The following DOCK7 variants were observed in gnomAD, a reference collection of about 807,000 sequenced individuals.
DOCK7 encodes dedicator of cytokinesis protein 7.
In DOCK7, 138 loss-of-function variants were observed where a neutral mutation model predicts 271.0. That is an observed-to-expected ratio of 0.51 (90% CI 0.44 to 0.59). The LOEUF (loss-of-function observed/expected upper bound fraction) is 0.59. Ranked by LOEUF, DOCK7 falls within the 20% of genes least tolerant of loss-of-function variation. The pLI, the probability that DOCK7 is intolerant of heterozygous loss-of-function variation, is 0.00. For synonymous variants in DOCK7, 823 were observed against 876.1 expected, an observed-to-expected ratio of 0.94 and a Z score of 1.07; for missense variants, 2,066 against 2,592.4, an observed-to-expected ratio of 0.80 and a Z score of 4.41.
intron 2 of DOCK7, among the ~76,000 whole-genome samples, chr1:62,662,190 A>C (rs1658737561): frequency 6.6e-6 from 1 of 152,124 alleles, no homozygotes; most frequent in Non-Finnish European, 1.5e-5. Context: ...TGTAAAAATG[A>C]CCTCTAATTT....
At chr1:62,588,777 G>T (rs546738526) in intron 14 of DOCK7, among the ~76,000 whole-genome samples, 1 of 152,138 alleles carries the variant, frequency 6.6e-6, no homozygotes, top group Non-Finnish European at 1.5e-5. Context: ...GTCTCACTCT[G>T]TCGCTCAGGC....
At chr1:62,495,265 A>G (rs1646587150) in intron 39 of DOCK7, 1 of 169,542 alleles carries the variant, frequency 5.9e-6, no homozygotes, top group South Asian at 2.0e-4. Context: ...CCACCTGGAA[A>G]AAGTGCATTT....
chr1:62,653,202 A>C (rs542889497), intron 4 of DOCK7, among the ~76,000 whole-genome samples: 58 of 152,204 alleles, frequency 3.8e-4, no homozygotes, highest in Non-Finnish European at 7.3e-4. Flanking sequence ...CTGACTTGCT[A>C]TTGCACAGTT....
At chr1:62,542,508 G>T in intron 25 of DOCK7, 100 bp downstream of exon 25, 2 of 1,157,668 alleles carry the variant, frequency 1.7e-6, no homozygotes, top group Non-Finnish European at 2.5e-6. Context: ...AAAGCGTTAA[G>T]ATGTGCAACA....
intron 11 of DOCK7, 43 bp from the exon 12 acceptor site, chr1:62,625,444 A>G (rs1368019523): frequency 6.4e-7 from 1 of 1,557,618 alleles, no homozygotes; most frequent in Non-Finnish European, 8.7e-7. Flanking sequence ...ATAGAAGTTA[A>G]ATTTTGTTTT....
chr1:62,515,054 A>C (rs1461233177), intron 31 of DOCK7, among the ~76,000 whole-genome samples: 1 of 151,942 alleles, frequency 6.6e-6, no homozygotes, highest in Non-Finnish European at 1.5e-5. Context: ...ATAATTAATG[A>C]CCAAATGCTT....
At chr1:62,633,460 G>A (rs748374023) in intron 10 of DOCK7, 38 bp downstream of exon 10, 1 of 1,453,574 alleles carries the variant, frequency 6.9e-7, no homozygotes, top group Non-Finnish European at 9.6e-7. Flanking sequence ...AGTTACAATA[G>A]TAATAATGTG....
In DOCK7 at chr1:62,524,313, T is replaced by C. The variant is rs547275250; in HGVS notation, c.3936+3838A>G. Among the ~76,000 whole-genome samples the C allele has an allele frequency of 3.3e-5, 5 of 152,254 alleles. No homozygotes were observed. In the South Asian group the frequency reaches 1.0e-3, roughly 32 times the overall value. On this transcript the variant is annotated intron_variant, in intron 31 of 49. Transcript: ENST00000635253. The stretch of plus-strand genomic sequence containing the variant: ...CGCCCTCTGGAAAATAGTTGGCCAT[T>C]ACCTGGTATAGATTAAGATACCCAC...
In DOCK7 at chr1:62,455,216, CTTG is replaced by C; in HGVS notation, c.*195_*197del. 1.5e-6 allele frequency: 1 copy of C among 687,426 alleles called. No homozygotes were observed. Among genetic ancestry groups the C allele is most frequent in the Non-Finnish European group, 2.6e-6 (1 of 386,228 alleles). The allele number at this position is 687,426 out of a possible 1,614,324, so 42.6% of individuals were successfully genotyped here. A position where few individuals can be genotyped will look rare whatever the true frequency, so the allele number is the denominator to read the frequency against. On this transcript the variant is annotated 3_prime_UTR_variant, in exon 50 of 50. Transcript: ENST00000635253. ...ATTAAAATGTCTTAAAAGATAACAGCTTGTTACCAGAACATTAGAAACCATAGC... is the reference window on the plus strand; with the variant it reads ...ATTAAAATGTCTTAAAAGATAACAGCTTACCAGAACATTAGAAACCATAGC...
chr1:62,489,208 G>T, intron 41 of DOCK7, 143 bp from the exon 42 acceptor site: 1 of 700,930 alleles, frequency 1.4e-6, no homozygotes, highest in Non-Finnish European at 2.1e-6. Context: ...CCAGCACTTT[G>T]GGAGGCCGAG....
intron 42 of DOCK7, chr1:62,488,656 G>C (rs1213975951): frequency 2.6e-6 from 1 of 380,416 alleles, no homozygotes; most frequent in Non-Finnish European, 4.9e-6. Flanking sequence ...TTGTGAAACA[G>C]AAAATCACAA....
rs146330198 is a variant in DOCK7 at position 62,618,740 on chromosome 1, C to A, written c.1648G>T (p.Ala550Ser). 1.2e-6 allele frequency: 2 copies of A among 1,613,524 alleles called. No homozygotes were observed. The highest frequency in any genetic ancestry group is 2.2e-5 in the East Asian group (1 of 44,834). Residue 550 changes from alanine (A) to serine (S), a missense_variant, in exon 14 of 50, where the codon GCA (alanine) becomes TCA (serine). Transcript: ENST00000635253. ...GTGTTTGGAACATAAACATCCCTTGCGGGAAACTCTAAGATTTCTCTGGTA... is the reference window on the plus strand; with the variant it reads ...GTGTTTGGAACATAAACATCCCTTGAGGGAAACTCTAAGATTTCTCTGGTA... ...RPTREILEFP[A>S]RDVYVPNTTY...
chr1:62,597,751 A>C (rs1356877257), intron 14 of DOCK7: 7 of 1,613,480 alleles, frequency 4.3e-6, no homozygotes, highest in Non-Finnish European at 2.5e-6. Flanking sequence ...GACTTTGTCC[A>C]TAAGACGAAG....
At chr1:62,544,916 C>A in intron 23 of DOCK7, 31 bp downstream of exon 23, 2 of 1,491,406 alleles carry the variant, frequency 1.3e-6, no homozygotes, top group Non-Finnish European at 1.8e-6. Context: ...ACATCAGCAG[C>A]CAATAAAGAA....
chr1:62,506,807 C>T (rs1646950269), intron 35 of DOCK7, among the ~76,000 whole-genome samples: 1 of 149,876 alleles, frequency 6.7e-6, no homozygotes, highest in Non-Finnish European at 1.5e-5. Context: ...ATCAGCTGGG[C>T]GTGGTGGCGC....
chr1:62,512,320 C>T (rs1428105057), intron 33 of DOCK7, among the ~76,000 whole-genome samples: 1 of 152,158 alleles, frequency 6.6e-6, no homozygotes. Flanking sequence ...ACAGTATTGT[C>T]TGTATGTCAC....
intron 31 of DOCK7, 151 bp from the exon 32 acceptor site, chr1:62,514,049 A>T: frequency 1.5e-6 from 1 of 664,390 alleles, no homozygotes. Context: ...ACACTTGTAC[A>T]AAAGGATCAT....
intron 48 of DOCK7, among the ~76,000 whole-genome samples, chr1:62,467,124 T>TTA (rs1202706310): frequency 6.6e-6 from 1 of 152,178 alleles, no homozygotes; most frequent in Non-Finnish European, 1.5e-5. Context: ...TCTGGAAGGA[T>TTA]TATACCATTG....
intron 48 of DOCK7, among the ~76,000 whole-genome samples, chr1:62,462,670 A>G (rs1645564548): frequency 6.6e-6 from 1 of 152,248 alleles, no homozygotes; most frequent in Non-Finnish European, 1.5e-5. Context: ...ATCTCATACC[A>G]TATTCAATAA....
Sources: allele counts gnomAD v4.1 joint callset (sites outside exome capture counted in the v4.1 genomes callset), GRCh38; gene constraint gnomAD v4.1.1; transcripts MANE v1.5; gene names NCBI Gene and HGNC (gene_info 2026-07-23, HGNC 2026-07-21).